The following ANKRD36 variants were observed in gnomAD, a reference collection of about 807,000 sequenced individuals.
ANKRD36 encodes ankyrin repeat domain 36.
A neutral mutation model predicts 278.1 loss-of-function variants in ANKRD36; 179 were observed. The observed-to-expected ratio is 0.64, with a 90% CI of 0.57 to 0.73. The LOEUF is 0.73. ANKRD36 is among the 30% of genes least tolerant of loss of function. The pLI is 0.00. For missense variants in ANKRD36, 1,159 were observed against 1,956.7 expected (o/e 0.59, Z 7.69); for synonymous variants, 320 against 641.1 (o/e 0.50, Z 7.57).
intron 6 of ANKRD36, among the ~76,000 whole-genome samples, chr2:97,130,321 T>A (rs2039772210): frequency 6.6e-6 from 1 of 151,554 alleles, no homozygotes; most frequent in Non-Finnish European, 1.5e-5. Context: ...CTGGAAAACA[T>A]CACTCTCAGC....
Position 97,164,403 on chromosome 2 carries a change from G to T in ANKRD36, c.1465G>T (p.Val489Leu). 5 of 1,537,662 alleles carry T rather than the reference G, an allele frequency of 3.3e-6. No homozygotes were observed. Among genetic ancestry groups the T allele is most frequent in the Non-Finnish European group, 4.4e-6 (5 of 1,146,872 alleles). Residue 489 changes from valine (V) to leucine (L), a missense_variant, in exon 20 of 76, where the codon GTG (valine) becomes TTG (leucine). Coordinates refer to ENST00000420699, the MANE Select transcript of ANKRD36 (RefSeq NM_001354587.1). ...PEQPPLFTHT[V>L]KDRDHISTRF... The stretch of plus-strand genomic sequence containing the variant: ...TGTTGTCAAACCCATTCAGCATACG[G>T]TGAAAGACAGAGATCACATTTCAAC...
intron 34 of ANKRD36, among the ~76,000 whole-genome samples, chr2:97,189,758 A>T (rs2058119329): frequency 2.4e-5 from 2 of 81,712 alleles, no homozygotes; most frequent in African/African-American, 5.5e-5. Context: ...CCCAAGGAAG[A>T]TGGATTGTCA....
intron 31 of ANKRD36, 34 bp downstream of exon 31, chr2:97,187,260 A>G (rs1235062731): frequency 6.2e-7 from 1 of 1,608,618 alleles, no homozygotes; most frequent in East Asian, 2.2e-5. Context: ...GTGAACTAGT[A>G]AATCTATAGT....
chr2:97,180,955 T>A (rs1370905599), intron 24 of ANKRD36, among the ~76,000 whole-genome samples: 1 of 151,694 alleles, frequency 6.6e-6, no homozygotes, highest in Non-Finnish European at 1.5e-5. Flanking sequence ...TTTGTTGCCA[T>A]GAGCGGATGA....
At position 97,142,964 on chromosome 2, in the gene ANKRD36, G is replaced by A. The variant is rs1431691893; in HGVS notation, c.901+129G>A. 11 of 1,271,962 alleles carry A rather than the reference G, an allele frequency of 8.6e-6. No homozygotes were observed. In the Admixed American group the frequency reaches 2.5e-4, roughly 29 times the overall value. 78.8% of individuals were successfully genotyped at this position (1,271,962 alleles called of 1,614,324 possible). ...TCAGCAGGCCTGAGATTCTGCTTTT[G>A]TGATAAGTTCTCGGGTGACGCCGAT... is the stretch of plus-strand genomic sequence containing the variant. On this transcript the variant is annotated intron_variant, in intron 8 of 75. Transcript: ENST00000420699.
At position 97,113,613 on chromosome 2, in the gene ANKRD36, G is replaced by C; in HGVS notation, c.-127G>C. 2 of 1,217,840 alleles carry C rather than the reference G, an allele frequency of 1.6e-6. No homozygotes were observed. Among genetic ancestry groups the C allele is most frequent in the Non-Finnish European group, 2.3e-6 (2 of 868,090 alleles). 75.4% of individuals were successfully genotyped at this position (1,217,840 alleles called of 1,614,324 possible). A position where few individuals can be genotyped will look rare whatever the true frequency, so the allele number is the denominator to read the frequency against. Reference sequence around the variant, plus strand: ...TGTTGGGCGTTTCTGCTGAGAGGCGGGAGGCGCTGAGAGTCTGTGCGGAGG... The same window carrying C: ...TGTTGGGCGTTTCTGCTGAGAGGCGCGAGGCGCTGAGAGTCTGTGCGGAGG... On this transcript the variant is annotated 5_prime_UTR_variant, in exon 1 of 76. Transcript: ENST00000420699.
chr2:97,115,412 A>T (rs1280128972), intron 1 of ANKRD36, among the ~76,000 whole-genome samples: 1 of 152,004 alleles, frequency 6.6e-6, no homozygotes, highest in Non-Finnish European at 1.5e-5. Context: ...TTAGCAAAAT[A>T]AAAAAAATCC....
intron 41 of ANKRD36, 42 bp from the exon 42 acceptor site, chr2:97,196,674 C>A (rs774742780): frequency 8.8e-6 from 14 of 1,592,650 alleles, no homozygotes; most frequent in Non-Finnish European, 1.1e-5. Context: ...GTCTATGAAA[C>A]ATACTTTATT....
At chr2:97,191,066 C>T (rs1299667077) in intron 35 of ANKRD36, 43 bp from the exon 36 acceptor site, 2 of 1,592,986 alleles carry the variant, frequency 1.3e-6, no homozygotes, top group South Asian at 1.1e-5. Flanking sequence ...AAATATACTT[C>T]ATTGATTTAT....
In ANKRD36 at chr2:97,212,637, T is replaced by C. The variant is rs184504183; in HGVS notation, c.3470-782T>C. 2 of 153,810 alleles carry C rather than the reference T, an allele frequency of 1.3e-5. 1 individual carries two copies. Among genetic ancestry groups the C allele is most frequent in the East Asian group, 3.9e-4 (2 of 5,090 alleles). The allele number at this position is 153,810 out of a possible 1,614,324, so 9.5% of individuals were successfully genotyped here. A position where few individuals can be genotyped will look rare whatever the true frequency, so the allele number is the denominator to read the frequency against. On this transcript the variant is annotated intron_variant, in intron 58 of 75. Coordinates refer to ENST00000420699, the MANE Select transcript of ANKRD36 (RefSeq NM_001354587.1). Reference sequence around the variant, plus strand: ...CTAAAGTGGTCCTTTCAATGAATATTTGATTGATTTCTGAATGTAAAACTT... The same window carrying C: ...CTAAAGTGGTCCTTTCAATGAATATCTGATTGATTTCTGAATGTAAAACTT...
chr2:97,233,184 G>C (rs1274222803), intron 67 of ANKRD36, among the ~76,000 whole-genome samples: 3 of 149,724 alleles, frequency 2.0e-5, no homozygotes, highest in Non-Finnish European at 4.4e-5. Flanking sequence ...AACATCAGCA[G>C]TATGTCTAGA....
chr2:97,206,626 A>C (rs1330371945), intron 52 of ANKRD36, among the ~76,000 whole-genome samples: 2 of 151,424 alleles, frequency 1.3e-5, no homozygotes, highest in Non-Finnish European at 3.0e-5. Context: ...AGAAGAAGTC[A>C]TTTATATAAT....
At chr2:97,151,353 A>G (rs900112049) in intron 12 of ANKRD36, among the ~76,000 whole-genome samples, 14 of 151,878 alleles carry the variant, frequency 9.2e-5, no homozygotes, top group Non-Finnish European at 2.1e-4. Flanking sequence ...CTGAAGTTGT[A>G]CTATAATTTG....
intron 44 of ANKRD36, among the ~76,000 whole-genome samples, chr2:97,199,890 A>T (rs1241988423): frequency 2.0e-5 from 3 of 151,910 alleles, no homozygotes; most frequent in Non-Finnish European, 4.4e-5. Context: ...CTTCTCAGTT[A>T]TTGGGCAAGT....
At chr2:97,201,813 T>G (rs1161537313) in intron 46 of ANKRD36, among the ~76,000 whole-genome samples, 2 of 151,884 alleles carry the variant, frequency 1.3e-5, no homozygotes, top group African/African-American at 4.8e-5. Flanking sequence ...GTAAATCCTT[T>G]TGATTTGTTG....
intron 22 of ANKRD36, among the ~76,000 whole-genome samples, chr2:97,177,264 A>AAAAAGT (rs2054551142): frequency 6.6e-6 from 1 of 151,958 alleles, no homozygotes; most frequent in Non-Finnish European, 1.5e-5. Context: ...AAGGTAATTT[A>AAAAAGT]CAGATTCAAT....
chr2:97,206,535 T>A (rs867084130), intron 52 of ANKRD36, among the ~76,000 whole-genome samples: 42 of 151,408 alleles, frequency 2.8e-4, no homozygotes, highest in African/African-American at 8.2e-4. Context: ...ACCCGTACAC[T>A]CTGTAGGAGA....
Position 97,225,241 on chromosome 2 carries a change from A to C in ANKRD36, c.3951+362A>C, listed in dbSNP as rs1335545820. 2.0e-5 allele frequency among the ~76,000 whole-genome samples: 3 copies of C among 151,918 alleles called. No homozygotes were observed. In the East Asian group the frequency reaches 6.0e-4, roughly 30 times the overall value. On this transcript the variant is annotated intron_variant, in intron 67 of 75. Coordinates refer to ENST00000420699, the MANE Select transcript of ANKRD36 (RefSeq NM_001354587.1). ...GTGATGACCACCGTACTGGATTCAG[A>C]TTAAAGGAGTAATTATTGCTAGTGG...
intron 40 of ANKRD36, among the ~76,000 whole-genome samples, chr2:97,195,741 G>A (rs1221759819): frequency 1.3e-5 from 2 of 151,904 alleles, no homozygotes; most frequent in Non-Finnish European, 2.9e-5. Flanking sequence ...TGCCAACAAG[G>A]GTATTCTAGA....
Sources: allele counts gnomAD v4.1 joint callset (sites outside exome capture counted in the v4.1 genomes callset), GRCh38; gene constraint gnomAD v4.1.1; transcripts MANE v1.5; gene names NCBI Gene and HGNC (gene_info 2026-07-23, HGNC 2026-07-21).